The following LDHA variants were observed in gnomAD, a reference collection of about 807,000 sequenced individuals.
LDHA encodes the protein L-lactate dehydrogenase A chain.
Under a neutral mutation model 36.3 loss-of-function variants are expected in LDHA, and 10 were observed. The observed-to-expected ratio is 0.28, with a 90% CI of 0.17 to 0.47. The LOEUF (loss-of-function observed/expected upper bound fraction) is 0.47, where lower values mean the gene tolerates loss of function less well. LDHA is among the 20% of genes least tolerant of loss of function. The pLI is 0.99. For missense variants in LDHA, 267 were observed against 405.8 expected (o/e 0.66, Z 2.94); for synonymous variants, 110 against 136.7 (o/e 0.80, Z 1.36).
rs1866323325 is a variant in LDHA at position 18,396,891 on chromosome 11, C to T, written c.49C>T (p.Gln17Ter). Residue 17 changes from glutamine to a stop codon, truncating the protein, a stop_gained, in exon 2 of 8, where the codon CAG (glutamine) becomes TAG (stop). Transcript: ENST00000422447. LOFTEE classifies it high-confidence loss of function. ...GATTTATAATCTTCTAAAGGAAGAACAGACCCCCCAGAATAAGATTACAGT... is the reference window on the plus strand; with the variant it reads ...GATTTATAATCTTCTAAAGGAAGAATAGACCCCCCAGAATAAGATTACAGT... Reference protein sequence around the residue: ...QLIYNLLKEEQTPQNKITVVG... With the variant: ...QLIYNLLKEE The T allele has an allele frequency of 6.2e-7, 1 of 1,613,526 alleles. No homozygotes were observed.
At chr11:18,406,086 C>T (rs1866672672) in intron 7 of LDHA, among the ~76,000 whole-genome samples, 1 of 152,154 alleles carries the variant, frequency 6.6e-6, no homozygotes, top group Admixed American at 6.6e-5. Context: ...CTGCCTCAGC[C>T]TCCTAAGTAG....
chr11:18,405,011 T>C (rs929939106), intron 6 of LDHA, among the ~76,000 whole-genome samples: 2 of 152,178 alleles, frequency 1.3e-5, no homozygotes, highest in Admixed American at 6.6e-5. Flanking sequence ...GATTCTGTGC[T>C]CTTTCCCCCA....
chr11:18,396,370 G>T (rs1866300984), intron 1 of LDHA: 2 of 398,670 alleles, frequency 5.0e-6, no homozygotes, highest in East Asian at 7.1e-5. Context: ...GCATGCGCGC[G>T]GATCACCGCA....
chr11:18,400,724 TA>T (rs1866457699), intron 3 of LDHA, 112 bp from the exon 4 acceptor site: 2 of 772,320 alleles, frequency 2.6e-6, no homozygotes, highest in Non-Finnish European at 4.5e-6. Context: ...GCCATAATGA[TA>T]AAACTCTAAG....
In LDHA at chr11:18,396,802, T is replaced by C. The variant is rs199525449; in HGVS notation, c.-24-17T>C. The C allele has an allele frequency of 2.3e-5, 37 of 1,582,656 alleles. No individual in the cohort carries two copies. The highest frequency in any genetic ancestry group is 2.9e-5 in the Non-Finnish European group (34 of 1,164,580). ...TTAAAGAAGCTGTAGTGACACTAAA[T>C]GTTTTTCCTCCTATAGATTCCTTTT... is the stretch of plus-strand genomic sequence containing the variant. On this transcript the variant is annotated splice_polypyrimidine_tract_variant and intron_variant, in intron 1 of 7. Coordinates refer to ENST00000422447, the MANE Select transcript of LDHA (RefSeq NM_005566.4).
intron 1 of LDHA, chr11:18,396,290 G>A: frequency 2.7e-6 from 1 of 372,188 alleles, no homozygotes; most frequent in Non-Finnish European, 4.8e-6. Flanking sequence ...AAAGCCGGGC[G>A]TTCGGAGGAC....
chr11:18,396,784 A>G, intron 1 of LDHA, 35 bp from the exon 2 acceptor site: 2 of 1,542,726 alleles, frequency 1.3e-6, no homozygotes, highest in Non-Finnish European at 1.8e-6. Flanking sequence ...ACATTAAAGA[A>G]GCTGTAGTGA....
Position 18,403,825 on chromosome 11 carries a change from C to G in LDHA, c.710+14C>G, listed in dbSNP as rs200198118. On this transcript the variant is annotated intron_variant, in intron 6 of 7. Transcript: ENST00000422447. Reference sequence around the variant, plus strand: ...GGTGGTTGAGAGGTAATAAATCTTTCAATTTGGCAACACAGAATATTAACA... The same window carrying G: ...GGTGGTTGAGAGGTAATAAATCTTTGAATTTGGCAACACAGAATATTAACA... 3 of 1,335,196 alleles carry G rather than the reference C, an allele frequency of 2.2e-6. No individual in the cohort carries two copies. Among genetic ancestry groups the G allele is most frequent in the Admixed American group, 3.4e-5 (2 of 59,654 alleles). The allele number at this position is 1,335,196 out of a possible 1,614,324, so 82.7% of individuals were successfully genotyped here. A position where few individuals can be genotyped will look rare whatever the true frequency, so the allele number is the denominator to read the frequency against.
chr11:18,399,120 G>GT, intron 2 of LDHA: 1 of 367,960 alleles, frequency 2.7e-6, no homozygotes, highest in Non-Finnish European at 5.2e-6. Context: ...AGACAGAGCA[G>GT]TTTTATATAA....
Position 18,400,985 on chromosome 11 carries a change from C to T in LDHA, c.393C>T (p.Cys131=), listed in dbSNP as rs1866466709. The change falls in exon 4 of 8, where the codon TGC becomes TGT. Residue 131 remains cysteine, a synonymous_variant. Transcript: ENST00000422447. Reference sequence around the variant, plus strand: ...ATGTTGTAAAATACAGCCCGAACTGCAAGTTGCTTATTGTTTCAAATCCAG... The same window carrying T: ...ATGTTGTAAAATACAGCCCGAACTGTAAGTTGCTTATTGTTTCAAATCCAG... ...IPNVVKYSPN[C]KLLIVSNPVD... 1 of 1,613,076 alleles carries T rather than the reference C, an allele frequency of 6.2e-7. No individual in the cohort carries two copies. Among genetic ancestry groups the T allele is most frequent in the East Asian group, 2.2e-5 (1 of 44,838 alleles).
At chr11:18,400,804 C>G in intron 3 of LDHA, 33 bp from the exon 4 acceptor site, 1 of 1,577,222 alleles carries the variant, frequency 6.3e-7, no homozygotes, top group Admixed American at 1.7e-5. Flanking sequence ...ATTCTAAAGG[C>G]CTTAATCTGG....
rs532942664 is a variant in LDHA, at chr11:18,406,414, TAAA to T, written c.835-684_835-682del. On this transcript the variant is annotated intron_variant, in intron 7 of 7. Transcript: ENST00000422447. Reference sequence around the variant, plus strand: ...CAGTATAGTGAGATCTTGCCTCTGTTAAAAAAAAAAAAAAAAAAAAAGGCCATG... The same window carrying T: ...CAGTATAGTGAGATCTTGCCTCTGTTAAAAAAAAAAAAAAAAAAGGCCATG... 3.5e-3 allele frequency among the ~76,000 whole-genome samples: 337 copies of T among 97,172 alleles called. 2 individuals carry two copies. The highest frequency in any genetic ancestry group is 0.011 in the African/African-American group (306 of 28,028). 63.7% of individuals were successfully genotyped at this position (97,172 alleles called of 152,430 possible).
chr11:18,399,595 C>G (rs202101193), intron 3 of LDHA, 47 bp downstream of exon 3: 1 of 1,373,560 alleles, frequency 7.3e-7, no homozygotes, highest in Non-Finnish European at 1.0e-6. Context: ...GACTTAAATT[C>G]TTTTTCCAGA....
Position 18,394,656 on chromosome 11 carries a change from G to A in LDHA, c.-25+20G>A, listed in dbSNP as rs1206521532. 2.2e-6 allele frequency: 1 copy of A among 453,930 alleles called. No homozygotes were observed. The highest frequency in any genetic ancestry group is 4.4e-6 in the Non-Finnish European group (1 of 226,686). 28.1% of individuals were successfully genotyped at this position (453,930 alleles called of 1,614,324 possible). A position where few individuals can be genotyped will look rare whatever the true frequency, so the allele number is the denominator to read the frequency against. ...TTCCCGGTACGGTAGGGCCCTGCGCGCACGGCGCCAGAGGGATGGGCGGGT... is the reference window on the plus strand; with the variant it reads ...TTCCCGGTACGGTAGGGCCCTGCGCACACGGCGCCAGAGGGATGGGCGGGT... On this transcript the variant is annotated intron_variant, in intron 1 of 7. Coordinates refer to ENST00000422447, the MANE Select transcript of LDHA (RefSeq NM_005566.4).
chr11:18,408,046 T>C lies in LDHA; in HGVS notation c.*765T>C, dbSNP rs879282175. The C allele has an allele frequency of 1.1e-5, 5 of 453,862 alleles. No individual in the cohort carries two copies. The highest frequency in any genetic ancestry group is 2.2e-5 in the Non-Finnish European group (5 of 226,776). The allele number at this position is 453,862 out of a possible 1,614,324, so 28.1% of individuals were successfully genotyped here. On this transcript the variant is annotated 3_prime_UTR_variant, in exon 8 of 8. Transcript: ENST00000422447. Reference sequence around the variant, plus strand: ...TTCCATTGTAAGTCCCAAAGTATTATATATTTGATAATAATGCTAATCATA... The same window carrying C: ...TTCCATTGTAAGTCCCAAAGTATTACATATTTGATAATAATGCTAATCATA...
At position 18,395,528 on chromosome 11, in the gene LDHA, CT is replaced by C. The variant is rs769483822; in HGVS notation, c.-25+893del. Among the ~76,000 whole-genome samples, 16 of 152,322 alleles carry C rather than the reference CT, an allele frequency of 1.1e-4. No individual in the cohort carries two copies. In the East Asian group the frequency reaches 2.1e-3, roughly 20 times the overall value. On this transcript the variant is annotated intron_variant, in intron 1 of 7. Transcript: ENST00000422447. ...TGAAGCTAGCAGGTGTCCGCAGGAA[CT>C]CCCTTCCCCCTGCCAGGCTAGAAAC...
chr11:18,403,974 A>C (rs1306540605), intron 6 of LDHA, among the ~76,000 whole-genome samples, 163 bp downstream of exon 6: 1 of 152,200 alleles, frequency 6.6e-6, no homozygotes, highest in Non-Finnish European at 1.5e-5. Flanking sequence ...CCTTTCGCAC[A>C]GGCTGCAGTG....
chr11:18,400,415 C>T, intron 3 of LDHA: 3 of 269,536 alleles, frequency 1.1e-5, no homozygotes, highest in South Asian at 3.2e-5. Flanking sequence ...AAACAAGTCC[C>T]CCTACCACCA....
Position 18,394,582 on chromosome 11 carries a change from C to G in LDHA, c.-79C>G, listed in dbSNP as rs1866219329. 4.4e-6 allele frequency: 2 copies of G among 454,130 alleles called. No individual in the cohort carries two copies. The highest frequency in any genetic ancestry group is 1.6e-5 in the South Asian group (1 of 64,472). The allele number at this position is 454,130 out of a possible 1,614,324, so 28.1% of individuals were successfully genotyped here. A position where few individuals can be genotyped will look rare whatever the true frequency, so the allele number is the denominator to read the frequency against. On this transcript the variant is annotated 5_prime_UTR_variant, in exon 1 of 8. Coordinates refer to ENST00000422447, the MANE Select transcript of LDHA (RefSeq NM_005566.4). ...CTCAGAGTGCTGCAGCCGCTGCCGCCGATTCCGGATCTCATTGCCACGCGC... is the reference window on the plus strand; with the variant it reads ...CTCAGAGTGCTGCAGCCGCTGCCGCGGATTCCGGATCTCATTGCCACGCGC...
Sources: allele counts gnomAD v4.1 joint callset (sites outside exome capture counted in the v4.1 genomes callset), GRCh38; gene constraint gnomAD v4.1.1; transcripts MANE v1.5; gene names NCBI Gene and HGNC (gene_info 2026-07-23, HGNC 2026-07-21).